The following DPF3 variants were observed in gnomAD, a reference collection of about 807,000 sequenced individuals.
The protein encoded by DPF3 is zinc finger protein DPF3.
DPF3 carries 18 observed loss-of-function variants against 56.8 expected under a neutral mutation model. That is an observed-to-expected ratio of 0.32 (90% CI 0.22 to 0.47). DPF3 has a LOEUF of 0.47. DPF3 is among the 20% of genes least tolerant of loss of function. The pLI, the probability that DPF3 is intolerant of heterozygous loss-of-function variation, is 1.00. For synonymous variants in DPF3, 188 were observed against 180.2 expected, an observed-to-expected ratio of 1.04 and a Z score of -0.35; for missense variants, 403 against 488.8, an observed-to-expected ratio of 0.82 and a Z score of 1.65.
chr14:72,669,145 C>T (rs1886562163), intron 8 of DPF3, among the ~76,000 whole-genome samples: 1 of 152,226 alleles, frequency 6.6e-6, no homozygotes, highest in Admixed American at 6.5e-5. Context: ...CTGTCTCAGG[C>T]TACCAGGAAA....
chr14:72,816,883 A>G (rs748295842), intron 1 of DPF3, among the ~76,000 whole-genome samples: 1 of 152,224 alleles, frequency 6.6e-6, no homozygotes, highest in African/African-American at 2.4e-5. Flanking sequence ...ATCAAGATCA[A>G]TCTTTAATTC....
intron 8 of DPF3, among the ~76,000 whole-genome samples, chr14:72,658,445 G>C (rs1261730509): frequency 6.6e-6 from 1 of 152,098 alleles, no homozygotes; most frequent in African/African-American, 2.4e-5. Context: ...TAGTTACATG[G>C]AGTGATTTGG....
chr14:72,866,171 T>C (rs536132881), intron 1 of DPF3, among the ~76,000 whole-genome samples: 10 of 152,340 alleles, frequency 6.6e-5, no homozygotes, highest in Non-Finnish European at 1.2e-4. Context: ...TGATGGGCTA[T>C]GAGGGTTTTC....
intron 5 of DPF3, among the ~76,000 whole-genome samples, chr14:72,715,127 G>A (rs745807291): frequency 7.9e-5 from 12 of 152,186 alleles, no homozygotes; most frequent in Non-Finnish European, 1.6e-4. Flanking sequence ...AGTAGGGGTG[G>A]GCTTTGGCTA....
intron 3 of DPF3, among the ~76,000 whole-genome samples, chr14:72,736,462 C>T (rs550999738): frequency 2.0e-5 from 3 of 152,256 alleles, no homozygotes; most frequent in South Asian, 2.1e-4. Flanking sequence ...ATGTTGTCCA[C>T]GTAATAGCTG....
intron 4 of DPF3, among the ~76,000 whole-genome samples, chr14:72,725,242 A>G (rs1289569278): frequency 1.3e-5 from 2 of 152,148 alleles, no homozygotes; most frequent in East Asian, 3.9e-4. Context: ...GATTTAAACA[A>G]TGTGCATATG....
chr14:72,701,883 T>C (rs1437144477), intron 6 of DPF3, among the ~76,000 whole-genome samples: 1 of 152,100 alleles, frequency 6.6e-6, no homozygotes, highest in South Asian at 2.1e-4. Context: ...AGGACACCGC[T>C]TCCTTCTCTC....
intron 9 of DPF3, among the ~76,000 whole-genome samples, chr14:72,623,788 A>G (rs1002484756): frequency 6.6e-6 from 1 of 152,234 alleles, no homozygotes; most frequent in Non-Finnish European, 1.5e-5. Flanking sequence ...ACAATGACTA[A>G]CAGCAAAATT....
At chr14:72,818,813 C>T (rs1382591193) in intron 1 of DPF3, among the ~76,000 whole-genome samples, 1 of 152,060 alleles carries the variant, frequency 6.6e-6, no homozygotes, top group African/African-American at 2.4e-5. Context: ...TATTTTACTA[C>T]AATTTTTTTA....
chr14:72,863,871 G>T (rs1336885130), intron 1 of DPF3, among the ~76,000 whole-genome samples: 1 of 152,192 alleles, frequency 6.6e-6, no homozygotes, highest in Non-Finnish European at 1.5e-5. Context: ...GAAGTCTCGG[G>T]CCTTGAAGTG....
intron 1 of DPF3, among the ~76,000 whole-genome samples, chr14:72,893,846 A>G (rs1290153772): frequency 2.6e-5 from 4 of 152,062 alleles, no homozygotes; most frequent in African/African-American, 7.2e-5. Context: ...AAATGTAACA[A>G]TTTTCTTCTT....
intron 6 of DPF3, among the ~76,000 whole-genome samples, chr14:72,711,069 C>G (rs1278079275): frequency 6.6e-6 from 1 of 152,194 alleles, no homozygotes; most frequent in African/African-American, 2.4e-5. Flanking sequence ...CACAGGACCA[C>G]TATATTCAGG....
intron 8 of DPF3, among the ~76,000 whole-genome samples, chr14:72,667,869 A>G (rs1218202114): frequency 6.6e-6 from 1 of 152,226 alleles, no homozygotes; most frequent in Non-Finnish European, 1.5e-5. Flanking sequence ...TTCCTTAATT[A>G]TAGACTATGC....
intron 7 of DPF3, among the ~76,000 whole-genome samples, chr14:72,684,815 G>T (rs918780593): frequency 3.9e-5 from 6 of 152,110 alleles, no homozygotes; most frequent in Admixed American, 1.3e-4. Context: ...AACCCCCAAA[G>T]GGATGTTATT....
At chr14:72,715,472 G>T (rs776892298) in intron 5 of DPF3, among the ~76,000 whole-genome samples, 1 of 152,194 alleles carries the variant, frequency 6.6e-6, no homozygotes, top group Non-Finnish European at 1.5e-5. Flanking sequence ...GCCTGTCGGG[G>T]TCTTTGGGGA....
chr14:72,890,357 G>T (rs1318010698), intron 1 of DPF3, among the ~76,000 whole-genome samples: 7 of 151,884 alleles, frequency 4.6e-5, no homozygotes, highest in African/African-American at 1.5e-4. Flanking sequence ...CAGGTGTAGT[G>T]GTGCGCGCCT....
chr14:72,801,315 G>T (rs1892882812), intron 1 of DPF3, among the ~76,000 whole-genome samples: 1 of 152,186 alleles, frequency 6.6e-6, no homozygotes, highest in Admixed American at 6.5e-5. Context: ...AGGACCCCAG[G>T]ATGGCTGGTG....
intron 1 of DPF3, among the ~76,000 whole-genome samples, chr14:72,834,177 C>G (rs564024069): frequency 6.7e-6 from 1 of 148,588 alleles, no homozygotes; most frequent in Non-Finnish European, 1.5e-5. Flanking sequence ...GACTCTGTCT[C>G]AAAACAAACA....
intron 8 of DPF3, chr14:72,670,002 G>C (rs1055769937): frequency 5.1e-6 from 5 of 985,886 alleles, no homozygotes; most frequent in Middle Eastern, 5.2e-4. Context: ...TCAGTGAGGT[G>C]GGTGGCCTTC....
Sources: gnomAD v4.1 joint callset for allele counts (sites outside exome capture counted in the v4.1 genomes callset) on GRCh38, gnomAD v4.1.1 for gene constraint, MANE v1.5 for transcripts, NCBI Gene and HGNC (gene_info 2026-07-23, HGNC 2026-07-21) for gene names.